Variants in ADGRL2 observed in about 807,000 individuals in gnomAD.
The protein encoded by ADGRL2 is calcium-independent alpha-latrotoxin receptor 2.
In ADGRL2, 44 loss-of-function variants were observed where a neutral mutation model predicts 157.4. The ratio of observed to expected loss-of-function variants is 0.28; its 90% CI spans 0.22 to 0.36. The LOEUF (loss-of-function observed/expected upper bound fraction) is 0.36, where lower values mean the gene tolerates loss of function less well. ADGRL2 is among the 10% of genes least tolerant of loss of function. The probability of loss-of-function intolerance (pLI) is 1.00; values close to 1 mark genes in which losing one functional copy is unlikely to be tolerated. For synonymous variants in ADGRL2, 585 were observed against 624.7 expected, an observed-to-expected ratio of 0.94 and a Z score of 0.95; for missense variants, 1,510 against 1,768.9, an observed-to-expected ratio of 0.85 and a Z score of 2.63.
At position 81,970,300 on chromosome 1, in the gene ADGRL2, C is replaced by T. The variant is rs1400086702; in HGVS notation, c.2734-14C>T. ...TGAGTTTTCTTTTGTGTTTTTTGTT[C>T]TTTTCCCCCGTAGATTGCATGCCCA... On this transcript the variant is annotated splice_polypyrimidine_tract_variant and intron_variant, in intron 15 of 23. Coordinates refer to ENST00000686636, the MANE Select transcript of ADGRL2 (RefSeq NM_001366006.2). 4 of 1,592,954 alleles carry T rather than the reference C, an allele frequency of 2.5e-6. No individual in the cohort carries two copies. Among genetic ancestry groups the T allele is most frequent in the Non-Finnish European group, 3.4e-6 (4 of 1,163,232 alleles).
chr1:81,539,036 T>C (rs1421668317), intron 2 of ADGRL2, among the ~76,000 whole-genome samples: 2 of 137,526 alleles, frequency 1.5e-5, no homozygotes, highest in African/African-American at 5.3e-5. Context: ...AAAGACAACA[T>C]AAAATCTTCC....
At chr1:81,571,895 C>T (rs921451946) in intron 2 of ADGRL2, among the ~76,000 whole-genome samples, 24 of 152,206 alleles carry the variant, frequency 1.6e-4, no homozygotes, top group African/African-American at 5.8e-4. Context: ...CCGCACCCCC[C>T]AGCCTTTGCT....
At chr1:81,398,498 A>C (rs1041370320) in intron 1 of ADGRL2, among the ~76,000 whole-genome samples, 3 of 150,674 alleles carry the variant, frequency 2.0e-5, no homozygotes, top group African/African-American at 7.3e-5. Context: ...ATACTTTTGC[A>C]TGTTTTTGTG....
At chr1:81,656,033 C>A (rs912677310) in intron 3 of ADGRL2, among the ~76,000 whole-genome samples, 2 of 152,160 alleles carry the variant, frequency 1.3e-5, no homozygotes, top group Non-Finnish European at 2.9e-5. Context: ...ACAGAGTATA[C>A]CCTTTTTACC....
chr1:81,676,161 C>T (rs914936110), intron 3 of ADGRL2, among the ~76,000 whole-genome samples: 2 of 152,122 alleles, frequency 1.3e-5, no homozygotes, highest in African/African-American at 4.8e-5. Context: ...GCCACCATGC[C>T]ACCATGCCTG....
intron 2 of ADGRL2, among the ~76,000 whole-genome samples, chr1:81,464,889 G>GAGA (rs2078020456): frequency 6.7e-6 from 1 of 149,504 alleles, no homozygotes; most frequent in Non-Finnish European, 1.5e-5. Context: ...TCCAGGGGAA[G>GAGA]AGAAGGCTGT....
chr1:81,444,535 C>T (rs946846643), intron 1 of ADGRL2, among the ~76,000 whole-genome samples: 1 of 152,202 alleles, frequency 6.6e-6, no homozygotes, highest in Non-Finnish European at 1.5e-5. Flanking sequence ...AACAGATGCT[C>T]AGTTCCTAAC....
intron 3 of ADGRL2, among the ~76,000 whole-genome samples, chr1:81,595,998 T>A (rs745404342): frequency 5.3e-5 from 8 of 152,084 alleles, no homozygotes; most frequent in Non-Finnish European, 1.0e-4. Context: ...CTCTGCGGCC[T>A]CTTTTATAAG....
At chr1:81,797,866 C>T (rs1217510057), upstream of ADGRL2, among the ~76,000 whole-genome samples, 1 of 152,142 alleles carries the variant, frequency 6.6e-6, no homozygotes, top group African/African-American at 2.4e-5. Flanking sequence ...TCTCTAACCA[C>T]ATAAGCTAAT....
intron 2 of ADGRL2, among the ~76,000 whole-genome samples, chr1:81,876,375 T>C (rs1469012508): frequency 6.6e-6 from 1 of 152,168 alleles, no homozygotes; most frequent in Non-Finnish European, 1.5e-5. Flanking sequence ...GTTTTTATGG[T>C]ATATCTTTAC....
At chr1:81,868,455 T>G (rs2150955075) in intron 2 of ADGRL2, among the ~76,000 whole-genome samples, 1 of 152,238 alleles carries the variant, frequency 6.6e-6, no homozygotes, top group Middle Eastern at 3.4e-3. Flanking sequence ...CTCTAAGCAG[T>G]TTGGCCCTGG....
intron 2 of ADGRL2, among the ~76,000 whole-genome samples, chr1:81,575,401 C>A (rs1031072077): frequency 6.6e-6 from 1 of 152,022 alleles, no homozygotes; most frequent in Non-Finnish European, 1.5e-5. Context: ...TGGTTTAGGA[C>A]AAATTATGCA....
intron 2 of ADGRL2, among the ~76,000 whole-genome samples, chr1:81,472,275 T>C (rs2078186917): frequency 6.6e-6 from 1 of 152,250 alleles, no homozygotes; most frequent in Non-Finnish European, 1.5e-5. Context: ...AACCTATCTG[T>C]TTATTTCAGC....
intron 1 of ADGRL2, among the ~76,000 whole-genome samples, chr1:81,731,785 C>T (rs1019129894): frequency 5.3e-5 from 8 of 152,028 alleles, no homozygotes; most frequent in African/African-American, 9.7e-5. Context: ...GTGCACTTTG[C>T]GGTTTGTTAA....
At chr1:81,481,600 T>C (rs920054884) in intron 2 of ADGRL2, among the ~76,000 whole-genome samples, 14 of 152,298 alleles carry the variant, frequency 9.2e-5, no homozygotes, top group African/African-American at 3.4e-4. Context: ...TAACCTCATT[T>C]TCATCTCATT....
chr1:81,471,381 C>T (rs1383382762), intron 2 of ADGRL2, among the ~76,000 whole-genome samples: 1 of 152,024 alleles, frequency 6.6e-6, no homozygotes, highest in Admixed American at 6.6e-5. Context: ...AAATGGAAAA[C>T]ATATTAAGCT....
At chr1:81,437,435 C>T (rs2077429351) in intron 1 of ADGRL2, among the ~76,000 whole-genome samples, 1 of 152,054 alleles carries the variant, frequency 6.6e-6, no homozygotes, top group Non-Finnish European at 1.5e-5. Context: ...AAAAACAGAT[C>T]CAAAGTCATC....
At chr1:81,715,179 A>AT (rs36125044) in intron 1 of ADGRL2, among the ~76,000 whole-genome samples, 4 of 146,212 alleles carry the variant, frequency 2.7e-5, no homozygotes, top group African/African-American at 1.0e-4. Context: ...AATTTAGTAA[A>AT]TTTTTTTTTT....
At chr1:81,824,964 TC>T (rs1161192650) in intron 1 of ADGRL2, among the ~76,000 whole-genome samples, 2 of 139,246 alleles carry the variant, frequency 1.4e-5, no homozygotes, top group Admixed American at 7.1e-5. Flanking sequence ...TCTCTCTCTC[TC>T]TCTCTCTCTC....
Sources: allele counts gnomAD v4.1 joint callset (sites outside exome capture counted in the v4.1 genomes callset), GRCh38; gene constraint gnomAD v4.1.1; transcripts MANE v1.5; gene names NCBI Gene and HGNC (gene_info 2026-07-23, HGNC 2026-07-21).